The following DNAAF4 variants were observed in gnomAD, a reference collection of about 807,000 sequenced individuals.
The protein encoded by DNAAF4 is dynein assembly factor 4, axonemal.
DNAAF4 carries 43 observed loss-of-function variants against 51.8 expected under a neutral mutation model. That is an observed-to-expected ratio of 0.83 (90% CI 0.65 to 1.07). The LOEUF (loss-of-function observed/expected upper bound fraction) is 1.07. Ranked by LOEUF, DNAAF4 falls within the 50% of genes least tolerant of loss-of-function variation. DNAAF4 has a pLI of 0.00. For missense variants in DNAAF4, 581 were observed against 493.0 expected (o/e 1.18, Z -1.69); for synonymous variants, 194 against 165.6 (o/e 1.17, Z -1.32).
chr15:55,425,451 C>A (rs962315325), downstream of DNAAF4, among the ~76,000 whole-genome samples: 5 of 152,190 alleles, frequency 3.3e-5, no homozygotes, highest in African/African-American at 1.2e-4. Context: ...CCTACTTGTC[C>A]ATGCCATATT....
At chr15:55,443,288 G>A (rs6493787) in intron 6 of DNAAF4, 442,766 of 1,478,854 alleles carry the variant, frequency 0.3, 71,932 homozygotes, top group Non-Finnish European at 0.34. Context: ...CCCGGCAGGC[G>A]CCTGCCTACC....
In DNAAF4 at chr15:55,437,179, C is replaced by T. The variant is rs537666263; in HGVS notation, c.894-2121G>A. Among the ~76,000 whole-genome samples, 32 of 152,246 alleles carry T rather than the reference C, an allele frequency of 2.1e-4. No homozygotes were observed. The South Asian group carries it at 5.4e-3, about 26-fold the overall frequency. ...ACACAGTGTTTTAAATATTTGTGTA[C>T]GTCTCTCTCCTCCTGATTTCTGTTG... On this transcript the variant is annotated intron_variant, in intron 7 of 9. Coordinates refer to ENST00000321149, the MANE Select transcript of DNAAF4 (RefSeq NM_130810.4).
chr15:55,454,625 A>C (rs2057990024), intron 5 of DNAAF4, among the ~76,000 whole-genome samples: 2 of 152,136 alleles, frequency 1.3e-5, no homozygotes, highest in Admixed American at 1.3e-4. Context: ...TAATTCGCCC[A>C]ACTCAGCCTC....
At chr15:55,488,048 T>A (rs2058517129) in intron 4 of DNAAF4, among the ~76,000 whole-genome samples, 1 of 152,108 alleles carries the variant, frequency 6.6e-6, no homozygotes, top group Admixed American at 6.5e-5. Flanking sequence ...TTTTCCAGGA[T>A]TCAGCACAAA....
chr15:55,501,962 G>GA (rs912661270), intron 1 of DNAAF4, among the ~76,000 whole-genome samples: 3 of 151,730 alleles, frequency 2.0e-5, no homozygotes, highest in African/African-American at 7.3e-5. Flanking sequence ...AGAATCGCTT[G>GA]AACCTGGGAG....
intron 4 of DNAAF4, among the ~76,000 whole-genome samples, chr15:55,488,463 C>T (rs764408393): frequency 3.3e-5 from 5 of 152,168 alleles, no homozygotes; most frequent in Non-Finnish European, 5.9e-5. Flanking sequence ...TTAACAGTGT[C>T]TAGGATTGCA....
chr15:55,468,308 C>G (rs778497943), intron 4 of DNAAF4, among the ~76,000 whole-genome samples: 11 of 152,174 alleles, frequency 7.2e-5, no homozygotes, highest in Admixed American at 2.6e-4. Context: ...ATACTCTCTT[C>G]TAGAAGACTG....
At chr15:55,489,709 T>TA (rs1369403891) in intron 4 of DNAAF4, among the ~76,000 whole-genome samples, 10 of 146,860 alleles carry the variant, frequency 6.8e-5, no homozygotes, top group South Asian at 2.1e-4. Context: ...GTGGAAGTGA[T>TA]AAAAAAAGTG....
At chr15:55,441,743 T>C (rs2057718046) in intron 6 of DNAAF4, among the ~76,000 whole-genome samples, 1 of 152,206 alleles carries the variant, frequency 6.6e-6, no homozygotes, top group Non-Finnish European at 1.5e-5. Flanking sequence ...GGACATGAAC[T>C]CATCCTTTTT....
At chr15:55,462,798 AC>A (rs1317104453) in intron 5 of DNAAF4, among the ~76,000 whole-genome samples, 1 of 152,186 alleles carries the variant, frequency 6.6e-6, no homozygotes, top group Non-Finnish European at 1.5e-5. Context: ...ACATACACAC[AC>A]AAAAAATCAA....
Position 55,430,716 on chromosome 15 carries a change from G to T in DNAAF4, c.1217C>A (p.Ala406Asp). ...DPSNKIVQID[A>D]EKIRNVIQGT... is the part of the protein sequence containing the mutation. ...TTGAATTACATTCCGAATCTTCTCA[G>T]CATCAATTTGTACAATTTTGTTGGA... Residue 406 changes from alanine (A) to aspartate (D), a missense_variant, in exon 10 of 10, where the codon GCT becomes GAT. By Grantham distance (126) the Ala-to-Asp change is moderately radical. Transcript: ENST00000321149. 2 of 1,613,290 alleles carry T rather than the reference G, an allele frequency of 1.2e-6. No individual in the cohort carries two copies. The highest frequency in any genetic ancestry group is 1.7e-6 in the Non-Finnish European group (2 of 1,179,598).
intron 4 of DNAAF4, among the ~76,000 whole-genome samples, chr15:55,483,437 T>C (rs908459985): frequency 6.6e-6 from 1 of 152,060 alleles, no homozygotes; most frequent in South Asian, 2.1e-4. Context: ...CAGAATTACA[T>C]AGTGGTGATG....
chr15:55,441,575 C>T (rs1388698373), intron 6 of DNAAF4, among the ~76,000 whole-genome samples: 4 of 151,744 alleles, frequency 2.6e-5, no homozygotes, highest in Admixed American at 1.3e-4. Context: ...CCCACCACCC[C>T]ACAACAGGCC....
chr15:55,458,789 C>T (rs1317953993), intron 5 of DNAAF4, among the ~76,000 whole-genome samples: 1 of 152,068 alleles, frequency 6.6e-6, no homozygotes, highest in Non-Finnish European at 1.5e-5. Flanking sequence ...AGCTGTGAGG[C>T]AAGGTCAGGC....
chr15:55,474,404 C>T (rs2058308128), intron 4 of DNAAF4, among the ~76,000 whole-genome samples: 1 of 151,752 alleles, frequency 6.6e-6, no homozygotes, highest in Non-Finnish European at 1.5e-5. Context: ...CGTGGTGGTG[C>T]ATGCCTGTAG....
At chr15:55,487,350 T>C (rs1303035920) in intron 4 of DNAAF4, among the ~76,000 whole-genome samples, 3 of 151,494 alleles carry the variant, frequency 2.0e-5, no homozygotes, top group Non-Finnish European at 4.4e-5. Flanking sequence ...TGCTCTGTGT[T>C]TAGCTTAACA....
At chr15:55,462,233 C>T (rs1482839034) in intron 5 of DNAAF4, among the ~76,000 whole-genome samples, 4 of 152,082 alleles carry the variant, frequency 2.6e-5, no homozygotes, top group Non-Finnish European at 5.9e-5. Flanking sequence ...GTTCTCTTGC[C>T]CCCAGGCTGG....
chr15:55,480,632 C>A (rs2058396390), intron 4 of DNAAF4, among the ~76,000 whole-genome samples: 1 of 151,970 alleles, frequency 6.6e-6, no homozygotes, highest in Non-Finnish European at 1.5e-5. Context: ...CAGGCACAAA[C>A]AAGCCACCCA....
rs1004837220 is a variant in DNAAF4 at position 55,503,226 on chromosome 15, A to G, written c.-255-4642T>C. On this transcript the variant is annotated intron_variant, in intron 1 of 9. Coordinates refer to ENST00000321149, the MANE Select transcript of DNAAF4 (RefSeq NM_130810.4). ...TACACCCTCCCAAAACTAAACCAGGAAGAATTTGAATCTCTGAACAGACCA... is the reference window on the plus strand; with the variant it reads ...TACACCCTCCCAAAACTAAACCAGGGAGAATTTGAATCTCTGAACAGACCA... Among the ~76,000 whole-genome samples, 13 of 152,338 alleles carry G rather than the reference A, an allele frequency of 8.5e-5. No individual in the cohort carries two copies. In the East Asian group the frequency reaches 2.5e-3, roughly 29 times the overall value.
Sources: allele counts gnomAD v4.1 joint callset (sites outside exome capture counted in the v4.1 genomes callset), GRCh38; gene constraint gnomAD v4.1.1; transcripts MANE v1.5; gene names NCBI Gene and HGNC (gene_info 2026-07-23, HGNC 2026-07-21).